The following CHL1 variants were observed in gnomAD, a reference collection of about 807,000 sequenced individuals.
The protein encoded by CHL1 is neural cell adhesion molecule L1-like protein.
CHL1 carries 96 observed loss-of-function variants against 141.9 expected under a neutral mutation model. The ratio of observed to expected loss-of-function variants is 0.68; its 90% confidence interval spans 0.57 to 0.80. The LOEUF (loss-of-function observed/expected upper bound fraction) is 0.80. Among genes scored for constraint, CHL1 ranks in the 30% least tolerant of loss-of-function variants. CHL1 has a pLI of 0.00. For synonymous variants in CHL1, 613 were observed against 502.2 expected (o/e 1.22, Z -2.95); for missense variants, 1,820 against 1,457.2 (o/e 1.25, Z -4.05).
At chr3:197,481 T>C (rs1205385019) in intron 1 of CHL1, 2 of 170,970 alleles carry the variant, frequency 1.2e-5, no homozygotes, top group African/African-American at 4.7e-5. Flanking sequence ...GGCTCCGAGG[T>C]CTAGCTGGTC....
At chr3:258,617 T>C (rs1263175508) in intron 2 of CHL1, among the ~76,000 whole-genome samples, 1 of 152,232 alleles carries the variant, frequency 6.6e-6, no homozygotes, top group Non-Finnish European at 1.5e-5. Context: ...CTCCTTCAAC[T>C]TTTCCGTCCA....
At chr3:353,386 A>G (rs1434531655) in intron 10 of CHL1, among the ~76,000 whole-genome samples, 2 of 152,204 alleles carry the variant, frequency 1.3e-5, no homozygotes, top group Admixed American at 1.3e-4. Context: ...AAAAAAATGC[A>G]AAATAGACAA....
At chr3:238,869 G>GT (rs542375000) in intron 1 of CHL1, among the ~76,000 whole-genome samples, 103 of 152,156 alleles carry the variant, frequency 6.8e-4, no homozygotes, top group African/African-American at 2.3e-3. Flanking sequence ...GGAAGCAGAG[G>GT]TTGCAGTGAG....
At chr3:252,366 A>ATG (rs1693776006) in intron 2 of CHL1, among the ~76,000 whole-genome samples, 1 of 109,264 alleles carries the variant, frequency 9.2e-6, no homozygotes, top group African/African-American at 3.4e-5. Flanking sequence ...ATCCAGATAT[A>ATG]TATATATATA....
rs111801992 is a variant in CHL1, at chr3:208,904, C to T, written c.-175+11841C>T. 2.9e-3 allele frequency among the ~76,000 whole-genome samples: 442 copies of T among 152,138 alleles called. 2 individuals are homozygous for T. Among genetic ancestry groups the T allele is most frequent in the African/African-American group, 9.9e-3 (411 of 41,496 alleles). ...ATTTATTTTGATCTATATAGATGTC[C>T]TAAAATATCAGATGGTACAGGGTAG... On this transcript the variant is annotated intron_variant, in intron 1 of 27. Coordinates refer to ENST00000256509, the MANE Select transcript of CHL1 (RefSeq NM_006614.4).
At chr3:403,666 C>G (rs537744848) in intron 27 of CHL1, among the ~76,000 whole-genome samples, 6 of 152,282 alleles carry the variant, frequency 3.9e-5, no homozygotes, top group African/African-American at 1.4e-4. Context: ...CCCATTTCCC[C>G]ACACCCTGCT....
chr3:405,604 C>T lies in CHL1; in HGVS notation c.3568C>T (p.Leu1190Phe), dbSNP rs570534424. 1 of 1,613,324 alleles carries T rather than the reference C, an allele frequency of 6.2e-7. No homozygotes were observed. Among genetic ancestry groups the T allele is most frequent in the African/African-American group, 1.3e-5 (1 of 74,974 alleles). ...CGAATACGGAGAGGGAGACCATGGT[C>T]TCTTCAGTGAAGATGGATCATTTAT... The part of the protein sequence containing the change: ...LVEYGEGDHG[L>F]FSEDGSFIGA... Residue 1190 changes from leucine to phenylalanine, a missense_variant, in exon 28 of 28, where the codon CTC becomes TTC. Leu to Phe is a conservative substitution (Grantham distance 22). Coordinates refer to ENST00000256509, the MANE Select transcript of CHL1 (RefSeq NM_006614.4).
chr3:264,594 T>C (rs543069899), intron 2 of CHL1, among the ~76,000 whole-genome samples: 1 of 152,348 alleles, frequency 6.6e-6, no homozygotes, highest in South Asian at 2.1e-4. Flanking sequence ...ATTGAAGAAG[T>C]AAATTCTCAC....
intron 23 of CHL1, among the ~76,000 whole-genome samples, chr3:392,955 T>C: frequency 3.3e-5 from 1 of 30,080 alleles, no homozygotes; most frequent in African/African-American, 4.2e-5. Flanking sequence ...AGGGAATTGA[T>C]GTACATCAGA....
intron 1 of CHL1, among the ~76,000 whole-genome samples, chr3:222,424 C>G (rs1464552166): frequency 6.6e-6 from 1 of 152,148 alleles, no homozygotes; most frequent in Non-Finnish European, 1.5e-5. Flanking sequence ...AATTTATTTA[C>G]CCATATGCAT....
intron 2 of CHL1, among the ~76,000 whole-genome samples, chr3:254,608 A>G (rs1365774706): frequency 6.6e-6 from 1 of 152,140 alleles, no homozygotes; most frequent in African/African-American, 2.4e-5. Context: ...ATAATAGAAT[A>G]CCACAGACTG....
chr3:319,693 A>T lies in CHL1; in HGVS notation c.-84A>T. The stretch of plus-strand genomic sequence containing the variant: ...TGTTTGTGTTTTTAGTTTCCAGGTT[A>T]ACTAAGGTCTCAGCTGTAAACCAAA... On this transcript the variant is annotated 5_prime_UTR_variant, in exon 3 of 28. Coordinates refer to ENST00000256509, the MANE Select transcript of CHL1 (RefSeq NM_006614.4). The T allele has an allele frequency of 1.3e-6, 1 of 766,596 alleles. No homozygotes were observed. The highest frequency in any genetic ancestry group is 2.2e-6 in the Non-Finnish European group (1 of 453,074). 47.5% of individuals were successfully genotyped at this position (766,596 alleles called of 1,614,324 possible).
At chr3:202,380 G>A (rs1169485735) in intron 1 of CHL1, among the ~76,000 whole-genome samples, 1 of 152,182 alleles carries the variant, frequency 6.6e-6, no homozygotes, top group Non-Finnish European at 1.5e-5. Context: ...GTGTCAAATG[G>A]CAAACTGTTG....
intron 4 of CHL1, among the ~76,000 whole-genome samples, chr3:327,091 T>C (rs1401433949): frequency 6.6e-6 from 1 of 151,950 alleles, no homozygotes; most frequent in East Asian, 1.9e-4. Flanking sequence ...GGTAATACCA[T>C]ACACTTGTCA....
At chr3:213,169 A>G (rs532325959) in intron 1 of CHL1, 1 of 152,222 alleles carries the variant, frequency 6.6e-6, no homozygotes. Context: ...TTAATGTTCT[A>G]TTAACACCTA....
At chr3:333,222 C>G (rs1460856116) in intron 5 of CHL1, among the ~76,000 whole-genome samples, 1 of 144,456 alleles carries the variant, frequency 6.9e-6, no homozygotes, top group Non-Finnish European at 1.5e-5. Flanking sequence ...ATTACTTCAT[C>G]ATCTGACAGC....
chr3:281,477 A>T (rs932446911), intron 2 of CHL1, among the ~76,000 whole-genome samples: 1 of 151,078 alleles, frequency 6.6e-6, no homozygotes, highest in African/African-American at 2.4e-5. Flanking sequence ...TCTCTTGTTG[A>T]TGGTTCACCT....
At chr3:326,296 T>G (rs574390722) in intron 4 of CHL1, among the ~76,000 whole-genome samples, 68 of 152,176 alleles carry the variant, frequency 4.5e-4, no homozygotes, top group African/African-American at 1.5e-3. Flanking sequence ...TTAAAATACT[T>G]AGAGTAGTCT....
intron 2 of CHL1, among the ~76,000 whole-genome samples, chr3:287,108 C>T (rs932060061): frequency 6.6e-6 from 1 of 152,160 alleles, no homozygotes; most frequent in Non-Finnish European, 1.5e-5. Flanking sequence ...TTTTACCTAA[C>T]CCCCATTCAA....
Sources: allele counts gnomAD v4.1 joint callset (sites outside exome capture counted in the v4.1 genomes callset), GRCh38; gene constraint gnomAD v4.1.1; transcripts MANE v1.5; gene names NCBI Gene and HGNC (gene_info 2026-07-23, HGNC 2026-07-21).